MYT1L: variants seen among roughly 807,000 people sequenced by gnomAD.
MYT1L encodes the protein myelin transcription factor 1-like protein.
In MYT1L, 12 loss-of-function variants were observed where a neutral mutation model predicts 126.7. The observed-to-expected ratio is 0.09, with a 90% CI of 0.06 to 0.15. MYT1L has a LOEUF of 0.15. Ranked by LOEUF, MYT1L falls within the 10% of genes least tolerant of loss-of-function variation. The probability of loss-of-function intolerance (pLI) is 1.00; values close to 1 mark genes in which losing one functional copy is unlikely to be tolerated. For missense variants in MYT1L, 979 were observed against 1,585.2 expected, an observed-to-expected ratio of 0.62 and a Z score of 6.49; for synonymous variants, 541 against 604.2, an observed-to-expected ratio of 0.90 and a Z score of 1.53.
At chr2:2,330,619 A>G (rs1417954893) in intron 1 of MYT1L, among the ~76,000 whole-genome samples, 2 of 152,198 alleles carry the variant, frequency 1.3e-5, no homozygotes, top group African/African-American at 2.4e-5. Context: ...GATGTGCTTC[A>G]TTTGTAATGT....
In MYT1L at chr2:2,126,793, T is replaced by C. The variant is rs74883827; in HGVS notation, c.-304+46079A>G. 2.5e-4 allele frequency among the ~76,000 whole-genome samples: 38 copies of C among 152,352 alleles called. No homozygotes were observed. The East Asian group carries it at 6.9e-3, about 28-fold the overall frequency. ...ACATTTTATCACCAGTTCCTGTTTG[T>C]GTATGAAGATTTCTTAGAGCATGGA... On this transcript the variant is annotated intron_variant, in intron 3 of 24. Transcript: ENST00000647738.
chr2:1,994,408 G>T (rs1176539448), intron 5 of MYT1L, among the ~76,000 whole-genome samples: 7 of 151,628 alleles, frequency 4.6e-5, no homozygotes, highest in Non-Finnish European at 8.8e-5. Context: ...CTCCTGGGGG[G>T]CTCAGCCCTG....
chr2:2,076,878 G>A lies in MYT1L; in HGVS notation c.-303-22755C>T, dbSNP rs367957073. Among the ~76,000 whole-genome samples the A allele has an allele frequency of 5.9e-5, 9 of 152,242 alleles. No individual in the cohort carries two copies. The East Asian group carries it at 1.2e-3, about 20-fold the overall frequency. ...TGAAAGGGCTCAGATTTGGGACTTG[G>A]TGAAGACTTTAAACTAATTATTATA... On this transcript the variant is annotated intron_variant, in intron 3 of 24. Transcript: ENST00000647738.
At chr2:2,027,969 T>C (rs957415726) in intron 4 of MYT1L, among the ~76,000 whole-genome samples, 21 of 152,264 alleles carry the variant, frequency 1.4e-4, no homozygotes, top group African/African-American at 4.6e-4. Context: ...TTATTGTTTC[T>C]GCTTGGATGC....
chr2:2,249,826 T>C (rs139326522), intron 2 of MYT1L, among the ~76,000 whole-genome samples: 1 of 151,946 alleles, frequency 6.6e-6, no homozygotes, highest in African/African-American at 2.4e-5. Flanking sequence ...AACAACTTTA[T>C]AAAAAAAACT....
rs377061418 is a variant in MYT1L, at chr2:2,218,508, T to C, written c.-420-45520A>G. On this transcript the variant is annotated intron_variant, in intron 2 of 24. Transcript: ENST00000647738. ...ACAATTCATACCAAATCCTGAAAAA[T>C]GCAAACTCATCTGTAGTGAGAGAAA... is the stretch of plus-strand genomic sequence containing the variant. Among the ~76,000 whole-genome samples the C allele has an allele frequency of 2.0e-5, 3 of 152,054 alleles. No individual in the cohort carries two copies. In the East Asian group the frequency reaches 5.8e-4, roughly 30 times the overall value.
chr2:2,088,145 A>G (rs2076541302), intron 3 of MYT1L, among the ~76,000 whole-genome samples: 1 of 152,232 alleles, frequency 6.6e-6, no homozygotes, highest in African/African-American at 2.4e-5. Context: ...AGCCACATAC[A>G]GTGTGATAGC....
intron 2 of MYT1L, among the ~76,000 whole-genome samples, chr2:2,200,657 C>T (rs1297543892): frequency 4.6e-5 from 7 of 152,364 alleles, no homozygotes; most frequent in East Asian, 1.9e-4. Context: ...CTGCCTACCA[C>T]ACCCATAGAG....
At chr2:2,081,162 T>A (rs574858248) in intron 3 of MYT1L, among the ~76,000 whole-genome samples, 1 of 152,278 alleles carries the variant, frequency 6.6e-6, no homozygotes, top group Admixed American at 6.5e-5. Context: ...TTATAATATG[T>A]AAGATAATTC....
rs1029002879 is a variant in MYT1L at position 1,922,148 on chromosome 2, C to T, written c.1483+138G>A. 1.7e-6 allele frequency: 2 copies of T among 1,164,078 alleles called. No homozygotes were observed. Among genetic ancestry groups the T allele is most frequent in the Non-Finnish European group, 2.4e-6 (2 of 844,902 alleles). 72.1% of individuals were successfully genotyped at this position (1,164,078 alleles called of 1,614,324 possible). A position where few individuals can be genotyped will look rare whatever the true frequency, so the allele number is the denominator to read the frequency against. ...TGTCAGAAACGTAATCACAAAATAT[C>T]CTTCTGGAATCAACTCTAAGAATGT... On this transcript the variant is annotated intron_variant, in intron 10 of 24. Transcript: ENST00000647738. This position sits in a 1 kb window ranked among gnomAD's most constrained non-coding sequence, Gnocchi z 7.4.
chr2:1,887,665 G>A lies in MYT1L; in HGVS notation c.2521-56C>T. On this transcript the variant is annotated intron_variant, in intron 16 of 24. Coordinates refer to ENST00000647738, the MANE Select transcript of MYT1L (RefSeq NM_001303052.2). This position sits in a 1 kb window ranked among gnomAD's most constrained non-coding sequence, Gnocchi z 4.8. Reference sequence around the variant, plus strand: ...CGGATGATCACATGGCACACAGACTGAGGGAGGTGGTTCGTGGCTCTGGGG... The same window carrying A: ...CGGATGATCACATGGCACACAGACTAAGGGAGGTGGTTCGTGGCTCTGGGG... The A allele has an allele frequency of 6.2e-7, 1 of 1,611,408 alleles. No individual in the cohort carries two copies. Among genetic ancestry groups the A allele is most frequent in the Non-Finnish European group, 8.5e-7 (1 of 1,178,186 alleles).
At chr2:1,932,360 C>G (rs1340737417) in intron 9 of MYT1L, among the ~76,000 whole-genome samples, 7 of 152,206 alleles carry the variant, frequency 4.6e-5, no homozygotes, top group African/African-American at 1.7e-4. Context: ...ACCCTTTTAT[C>G]AGATCCAAGA....
chr2:2,058,941 C>CATTCATA (rs2069999700), intron 3 of MYT1L, among the ~76,000 whole-genome samples: 1 of 152,142 alleles, frequency 6.6e-6, no homozygotes, highest in Non-Finnish European at 1.5e-5. Context: ...AGAAAGTGTT[C>CATTCATA]ATTCATATGG....
At chr2:1,978,432 A>G (rs1477355998) in intron 8 of MYT1L, among the ~76,000 whole-genome samples, 4 of 152,216 alleles carry the variant, frequency 2.6e-5, no homozygotes, top group Non-Finnish European at 5.9e-5. Flanking sequence ...TAGCTTAGGG[A>G]AAAAATGCTT....
At chr2:1,933,414 G>T (rs1387583317) in intron 9 of MYT1L, among the ~76,000 whole-genome samples, 1 of 152,214 alleles carries the variant, frequency 6.6e-6, no homozygotes, top group Non-Finnish European at 1.5e-5. Context: ...ACGCAGAGGG[G>T]TGAGGATGCC....
At chr2:2,214,377 A>G (rs2093620041) in intron 2 of MYT1L, among the ~76,000 whole-genome samples, 1 of 152,072 alleles carries the variant, frequency 6.6e-6, no homozygotes, top group Non-Finnish European at 1.5e-5. Flanking sequence ...AATAATGAAC[A>G]AAACCCAAAC....
In MYT1L at chr2:1,997,348, C is replaced by T. The variant is rs1382257195; in HGVS notation, c.-157-1G>A. 1.3e-5 allele frequency: 2 copies of T among 152,542 alleles called. No individual in the cohort carries two copies. The highest frequency in any genetic ancestry group is 2.9e-5 in the Non-Finnish European group (2 of 68,078). The allele number at this position is 152,542 out of a possible 1,614,324, so 9.4% of individuals were successfully genotyped here. ...TCTCTCTATGCCTTGATTTCTCCAT[C>T]TGTAAAATATAAAAAGCAATATACA... is the stretch of plus-strand genomic sequence containing the variant. On this transcript the variant is annotated splice_acceptor_variant, in intron 4 of 24. Transcript: ENST00000647738. LOFTEE classifies it low-confidence loss of function (5UTR_SPLICE).
intron 3 of MYT1L, among the ~76,000 whole-genome samples, chr2:2,097,848 C>T (rs1006371191): frequency 6.6e-6 from 1 of 152,052 alleles, no homozygotes; most frequent in Non-Finnish European, 1.5e-5. Flanking sequence ...GGAGGTGATG[C>T]CTGGTGGGAG....
intron 2 of MYT1L, among the ~76,000 whole-genome samples, chr2:2,262,391 A>G (rs1366576919): frequency 6.7e-6 from 1 of 149,872 alleles, no homozygotes; most frequent in African/African-American, 2.5e-5. Flanking sequence ...AAACAACAAC[A>G]AAAAAAAACC....
Sources: allele counts gnomAD v4.1 joint callset (sites outside exome capture counted in the v4.1 genomes callset), GRCh38; gene constraint gnomAD v4.1.1; non-coding constraint Gnocchi (gnomAD v3.1); transcripts MANE v1.5; gene names NCBI Gene and HGNC (gene_info 2026-07-23, HGNC 2026-07-21).